The following RPS6KC1 variants were observed in gnomAD, a reference collection of about 807,000 sequenced individuals.
RPS6KC1 encodes the protein ribosomal protein S6 kinase C1.
Under a neutral mutation model 103.8 loss-of-function variants are expected in RPS6KC1, and 54 were observed. The observed-to-expected ratio is 0.52, with a 90% CI of 0.42 to 0.65. RPS6KC1 has a LOEUF of 0.65. RPS6KC1 is among the 30% of genes least tolerant of loss of function. RPS6KC1 has a pLI of 0.00. For missense variants in RPS6KC1, 1,151 were observed against 1,253.8 expected, an observed-to-expected ratio of 0.92 and a Z score of 1.24; for synonymous variants, 439 against 438.7, an observed-to-expected ratio of 1.00 and a Z score of -0.01.
At chr1:213,660,413 C>A in the RPS6KC1 span, among the ~76,000 whole-genome samples, 2 of 152,228 alleles carry the variant, frequency 1.3e-5, no homozygotes, top group Non-Finnish European at 2.9e-5. Flanking sequence ...GAAGGAAAGG[C>A]AGTGATATGC....
At chr1:213,235,780 A>G (rs2094207689) in intron 10 of RPS6KC1, among the ~76,000 whole-genome samples, 1 of 152,106 alleles carries the variant, frequency 6.6e-6, no homozygotes, top group Admixed American at 6.6e-5. Flanking sequence ...TCTAAATGAG[A>G]TAAGATGTTA....
At chr1:213,646,897 A>ATATATATT in the RPS6KC1 span, among the ~76,000 whole-genome samples, 200 of 150,534 alleles carry the variant, frequency 1.3e-3, no homozygotes, top group South Asian at 3.6e-3. Context: ...ATATATATAT[A>ATATATATT]TTTTTGTTTG....
the RPS6KC1 span, among the ~76,000 whole-genome samples, chr1:213,588,489 C>T: frequency 8.6e-5 from 13 of 151,870 alleles, no homozygotes; most frequent in Non-Finnish European, 1.5e-4. Flanking sequence ...TTAGTCGAGA[C>T]GGGGTTTCAC....
At chr1:213,252,224 A>G (rs572837066) in intron 12 of RPS6KC1, among the ~76,000 whole-genome samples, 246 of 152,362 alleles carry the variant, frequency 1.6e-3, no homozygotes, top group African/African-American at 5.8e-3. Context: ...GTCCCTTTCA[A>G]TTAGCAACAG....
the RPS6KC1 span, among the ~76,000 whole-genome samples, chr1:213,409,973 G>C: frequency 2.0e-5 from 3 of 152,156 alleles, no homozygotes; most frequent in Non-Finnish European, 4.4e-5. Context: ...GATCAGCCTG[G>C]GCAACACAGT....
chr1:213,482,540 GTTTTTTTTTTTTTT>G, the RPS6KC1 span, among the ~76,000 whole-genome samples: 4 of 61,152 alleles, frequency 6.5e-5, no homozygotes, highest in African/African-American at 1.3e-4. Flanking sequence ...CTAACTTGAG[GTTTTTTTTTTTTTT>G]TTTTTTTTTT....
the RPS6KC1 span, among the ~76,000 whole-genome samples, chr1:213,701,363 T>A: frequency 6.6e-6 from 1 of 152,216 alleles, no homozygotes; most frequent in South Asian, 2.1e-4. Context: ...ATTGATTGAT[T>A]TGCATATGAT....
the RPS6KC1 span, among the ~76,000 whole-genome samples, chr1:213,801,340 TCTC>T: frequency 6.6e-6 from 1 of 152,224 alleles, no homozygotes; most frequent in Non-Finnish European, 1.5e-5. Flanking sequence ...CTTTATCTCT[TCTC>T]TAAGACATAA....
intron 7 of RPS6KC1, among the ~76,000 whole-genome samples, chr1:213,168,750 G>A (rs2091217909): frequency 6.6e-6 from 1 of 151,958 alleles, no homozygotes; most frequent in Admixed American, 6.6e-5. Flanking sequence ...AGCCTCCCAA[G>A]TAGCTGGGAC....
At chr1:213,494,958 T>C in the RPS6KC1 span, among the ~76,000 whole-genome samples, 1 of 150,578 alleles carries the variant, frequency 6.6e-6, no homozygotes, top group African/African-American at 2.4e-5. Flanking sequence ...AGAAAAGTAA[T>C]CTTGATTTAG....
chr1:213,500,713 T>C, the RPS6KC1 span, among the ~76,000 whole-genome samples: 2 of 152,232 alleles, frequency 1.3e-5, no homozygotes, highest in African/African-American at 4.8e-5. Flanking sequence ...GCCACTGTTA[T>C]ATATGTGATC....
chr1:213,581,241 C>T, the RPS6KC1 span, among the ~76,000 whole-genome samples: 1 of 152,132 alleles, frequency 6.6e-6, no homozygotes, highest in Middle Eastern at 3.4e-3. Context: ...AGAGATGCAG[C>T]CTCGCCGGAT....
chr1:213,626,835 T>C, the RPS6KC1 span, among the ~76,000 whole-genome samples: 7 of 152,316 alleles, frequency 4.6e-5, no homozygotes, highest in African/African-American at 1.7e-4. Context: ...TATAGCTTTG[T>C]AGTATGGTTG....
Position 213,146,942 on chromosome 1 carries a change from A to T in RPS6KC1, c.835+17053A>T, listed in dbSNP as rs12067919. On this transcript the variant is annotated intron_variant, in intron 6 of 14. Transcript: ENST00000366960. The stretch of plus-strand genomic sequence containing the variant: ...TGTAGTTTTGATTTGCATTTCTCTG[A>T]TGATCAGTGATGTTGAGCACCTTTT... Among the ~76,000 whole-genome samples, 1,067 of 152,214 alleles carry T rather than the reference A, an allele frequency of 7.0e-3. 14 individuals carry two copies. The highest frequency in any genetic ancestry group is 0.024 in the African/African-American group (1,011 of 41,544).
chr1:213,268,087 A>G (rs1418133156), intron 14 of RPS6KC1, among the ~76,000 whole-genome samples: 1 of 152,010 alleles, frequency 6.6e-6, no homozygotes, highest in African/African-American at 2.4e-5. Context: ...AACAGACCCT[A>G]TGTAGGAAAA....
intron 6 of RPS6KC1, among the ~76,000 whole-genome samples, chr1:213,165,024 T>G (rs747567677): frequency 6.6e-6 from 1 of 152,190 alleles, no homozygotes; most frequent in African/African-American, 2.4e-5. Context: ...TAAAATCTGT[T>G]TAAAGTCACA....
At chr1:213,419,344 A>C in the RPS6KC1 span, among the ~76,000 whole-genome samples, 1 of 151,946 alleles carries the variant, frequency 6.6e-6, no homozygotes. Context: ...TTGGGCTTCA[A>C]CTCTTTTTTT....
At chr1:213,224,103 C>T (rs2093903311) in intron 8 of RPS6KC1, among the ~76,000 whole-genome samples, 1 of 152,284 alleles carries the variant, frequency 6.6e-6, no homozygotes, top group Non-Finnish European at 1.5e-5. Context: ...TATCTCTTTT[C>T]TCTTCTCCAT....
chr1:213,765,506 G>A, the RPS6KC1 span, among the ~76,000 whole-genome samples: 1 of 152,144 alleles, frequency 6.6e-6, no homozygotes, highest in Non-Finnish European at 1.5e-5. Flanking sequence ...TCTGCCCAGG[G>A]CCATTGAATT....
Sources: gnomAD v4.1 joint callset for allele counts (sites outside exome capture counted in the v4.1 genomes callset) on GRCh38, gnomAD v4.1.1 for gene constraint, MANE v1.5 for transcripts, NCBI Gene and HGNC (gene_info 2026-07-23, HGNC 2026-07-21) for gene names.